AKR1C4: variants seen among roughly 807,000 people sequenced by gnomAD.
AKR1C4 encodes aldo-keto reductase family 1 member C4, also known as 3-alpha-HSD1.
A neutral mutation model predicts 41.0 loss-of-function variants in AKR1C4; 44 were observed. That is an observed-to-expected ratio of 1.07 (90% confidence interval 0.84 to 1.38). The LOEUF is 1.38. Ranked by LOEUF, AKR1C4 falls within the 40% of genes most tolerant of loss-of-function variation. AKR1C4 has a pLI of 0.00. For missense variants in AKR1C4, 438 were observed against 387.9 expected, an observed-to-expected ratio of 1.13 and a Z score of -1.09; for synonymous variants, 165 against 137.7, an observed-to-expected ratio of 1.20 and a Z score of -1.39.
chr10:5,207,296 T>G (rs1214804809), intron 5 of AKR1C4: 1 of 249,056 alleles, frequency 4.0e-6, no homozygotes, highest in Non-Finnish European at 8.1e-6. Flanking sequence ...TTCAATAAAT[T>G]TGTAAATACC....
chr10:5,200,587 T>A (rs1241028290), intron 2 of AKR1C4, among the ~76,000 whole-genome samples: 4 of 152,240 alleles, frequency 2.6e-5, no homozygotes, highest in African/African-American at 9.6e-5. Context: ...TCAGCTCAGA[T>A]CAGTATAATT....
intron 2 of AKR1C4, chr10:5,202,324 A>G (rs1441963420): frequency 3.6e-6 from 1 of 279,836 alleles, no homozygotes; most frequent in Non-Finnish European, 7.3e-6. Flanking sequence ...TTGTTGGTGA[A>G]TAGCAGTGCT....
At chr10:5,216,199 CATGTGAA>C (rs1383740293) in intron 7 of AKR1C4, among the ~76,000 whole-genome samples, 5 of 152,168 alleles carry the variant, frequency 3.3e-5, no homozygotes, top group Non-Finnish European at 7.3e-5. Context: ...AACCAGATTT[CATGTGAA>C]CTAATGCAGT....
intron 1 of AKR1C4, among the ~76,000 whole-genome samples, chr10:5,199,519 G>A (rs565233562): frequency 6.6e-6 from 1 of 152,252 alleles, no homozygotes; most frequent in South Asian, 2.1e-4. Flanking sequence ...ACAAGGCAGA[G>A]ACAGAACCGG....
At position 5,200,192 on chromosome 10, in the gene AKR1C4, C is replaced by T; in HGVS notation, c.96C>T (p.Asn32=). The T allele has an allele frequency of 6.2e-7, 1 of 1,611,076 alleles. No homozygotes were observed. The highest frequency in any genetic ancestry group is 8.5e-7 in the Non-Finnish European group (1 of 1,178,704). Residue 32 remains asparagine (N), a synonymous_variant, in exon 2 of 9, where the codon AAC becomes AAT. Transcript: ENST00000263126. Reference sequence around the variant, plus strand: ...CGTTGCTCCTTCAGGTTCCGAGGAACAGAGCTGTAGAGGTCACCAAATTAG... The same window carrying T: ...CGTTGCTCCTTCAGGTTCCGAGGAATAGAGCTGTAGAGGTCACCAAATTAG... ...GTYAPPEVPR[N]RAVEVTKLAI...
intron 2 of AKR1C4, among the ~76,000 whole-genome samples, chr10:5,200,588 C>G (rs1210374198): frequency 6.6e-6 from 1 of 152,184 alleles, no homozygotes; most frequent in Non-Finnish European, 1.5e-5. Context: ...CAGCTCAGAT[C>G]AGTATAATTA....
intron 1 of AKR1C4, among the ~76,000 whole-genome samples, chr10:5,197,368 C>G (rs1554796412): frequency 6.6e-6 from 1 of 152,178 alleles, no homozygotes; most frequent in East Asian, 1.9e-4. Flanking sequence ...TTTGTGGTAA[C>G]AGCACCTAAA....
chr10:5,218,926 T>A lies in AKR1C4; in HGVS notation c.*166T>A, dbSNP rs1305999524. ...ATATCCATGGTCCAGAAAGCAAACA[T>A]AATAAATTTTTATCTTGAAGTAATT... On this transcript the variant is annotated 3_prime_UTR_variant, in exon 9 of 9. Transcript: ENST00000263126. 1.9e-6 allele frequency: 1 copy of A among 526,542 alleles called. No homozygotes were observed. Among genetic ancestry groups the A allele is most frequent in the Non-Finnish European group, 3.4e-6 (1 of 297,756 alleles). The allele number at this position is 526,542 out of a possible 1,614,324, so 32.6% of individuals were successfully genotyped here.
At chr10:5,199,064 T>C (rs1253390239) in intron 1 of AKR1C4, among the ~76,000 whole-genome samples, 2 of 152,170 alleles carry the variant, frequency 1.3e-5, no homozygotes, top group African/African-American at 4.8e-5. Context: ...TTAATTTTTC[T>C]AACAAATGAC....
At chr10:5,203,268 A>G (rs560447405) in intron 2 of AKR1C4, among the ~76,000 whole-genome samples, 1 of 152,234 alleles carries the variant, frequency 6.6e-6, no homozygotes, top group Non-Finnish European at 1.5e-5. Flanking sequence ...TATTAATATC[A>G]TGAAATTCAG....
chr10:5,208,338 C>A (rs1192270699), intron 5 of AKR1C4, among the ~76,000 whole-genome samples: 1 of 151,520 alleles, frequency 6.6e-6, no homozygotes, highest in Non-Finnish European at 1.5e-5. Flanking sequence ...TAATATAATA[C>A]AAAATCATGA....
At chr10:5,213,187 C>T in intron 7 of AKR1C4, 28 bp downstream of exon 7, 3 of 1,611,142 alleles carry the variant, frequency 1.9e-6, no homozygotes, top group Non-Finnish European at 2.5e-6. Flanking sequence ...CATCAGGGCT[C>T]CTGCACAGTG....
chr10:5,206,078 C>T (rs1554797451), intron 4 of AKR1C4, among the ~76,000 whole-genome samples, 197 bp from the exon 5 acceptor site: 1 of 152,162 alleles, frequency 6.6e-6, no homozygotes, highest in Non-Finnish European at 1.5e-5. Context: ...TTTATCTCTC[C>T]AGCTTCCTAA....
intron 5 of AKR1C4, among the ~76,000 whole-genome samples, chr10:5,211,900 A>G (rs781836042): frequency 5.9e-5 from 9 of 152,214 alleles, no homozygotes; most frequent in Non-Finnish European, 1.0e-4. Flanking sequence ...GCAGGCAAAG[A>G]GACAGCTTGT....
chr10:5,214,603 C>A (rs1832627486), intron 7 of AKR1C4, among the ~76,000 whole-genome samples: 1 of 152,146 alleles, frequency 6.6e-6, no homozygotes, highest in South Asian at 2.1e-4. Flanking sequence ...AGTTACATAG[C>A]ATTCTTTATT....
chr10:5,206,625 G>T lies in AKR1C4; in HGVS notation c.570+228G>T, dbSNP rs562270350. Reference sequence around the variant, plus strand: ...ATGCTAAATTGTGTGTACTATTTTTGGGGGAGGTGAATTTCATCAAGGAGG... The same window carrying T: ...ATGCTAAATTGTGTGTACTATTTTTTGGGGAGGTGAATTTCATCAAGGAGG... On this transcript the variant is annotated intron_variant, in intron 5 of 8. Transcript: ENST00000263126. 9.9e-5 allele frequency among the ~76,000 whole-genome samples: 15 copies of T among 152,246 alleles called. No individual in the cohort carries two copies. The East Asian group carries it at 1.9e-3, about 20-fold the overall frequency.
chr10:5,213,066 C>T lies in AKR1C4; in HGVS notation c.753C>T (p.Thr251=), dbSNP rs781983992. The T allele has an allele frequency of 2.5e-6, 4 of 1,614,112 alleles. No homozygotes were observed. The highest frequency in any genetic ancestry group is 3.4e-6 in the Non-Finnish European group (4 of 1,180,032). ...LCALAKKHKQ[T]PALIALRYQL... ...CCTTAGCAAAGAAACACAAACAAAC[C>T]CCAGCCCTGATTGCCCTGCGCTACC... Residue 251 remains threonine (T), a synonymous_variant, in exon 7 of 9, where the codon ACC becomes ACT. Transcript: ENST00000263126.
intron 6 of AKR1C4, 98 bp from the exon 7 acceptor site, chr10:5,212,896 A>G (rs1169485265): frequency 6.7e-7 from 1 of 1,491,076 alleles, no homozygotes; most frequent in Non-Finnish European, 9.1e-7. Context: ...CTCACTTGAG[A>G]GGCTCTGGTG....
At chr10:5,203,587 A>T (rs1832436212) in intron 2 of AKR1C4, among the ~76,000 whole-genome samples, 1 of 152,154 alleles carries the variant, frequency 6.6e-6, no homozygotes, top group Non-Finnish European at 1.5e-5. Flanking sequence ...ACAGTTTTTC[A>T]TCTGTCTCAC....
Sources: allele counts gnomAD v4.1 joint callset (sites outside exome capture counted in the v4.1 genomes callset), GRCh38; gene constraint gnomAD v4.1.1; transcripts MANE v1.5; gene names NCBI Gene and HGNC (gene_info 2026-07-23, HGNC 2026-07-21).